Variants in DNAH8 observed in about 807,000 individuals in gnomAD.
DNAH8 encodes dynein axonemal heavy chain 8, also known as axonemal beta dynein heavy chain 8.
Under a neutral mutation model 562.1 loss-of-function variants are expected in DNAH8, and 382 were observed. The ratio of observed to expected loss-of-function variants is 0.68; its 90% confidence interval spans 0.63 to 0.74. The LOEUF (loss-of-function observed/expected upper bound fraction) is 0.74, where lower values mean the gene tolerates loss of function less well. Ranked by LOEUF, DNAH8 falls within the 30% of genes least tolerant of loss-of-function variation. DNAH8 has a pLI of 0.00. For synonymous variants in DNAH8, 1,881 were observed against 1,919.4 expected (o/e 0.98, Z 0.52); for missense variants, 5,203 against 5,620.4 (o/e 0.93, Z 2.37).
intron 37 of DNAH8, 98 bp downstream of exon 37, chr6:38,848,899 A>C: frequency 8.1e-7 from 1 of 1,235,332 alleles, no homozygotes; most frequent in South Asian, 1.4e-5. Context: ...TCAAGGCTTG[A>C]CTATGATGGG....
intron 21 of DNAH8, among the ~76,000 whole-genome samples, chr6:38,795,013 G>T (rs777533476): frequency 6.6e-6 from 1 of 152,082 alleles, no homozygotes; most frequent in South Asian, 2.1e-4. Flanking sequence ...ACAAGTTCAC[G>T]CATTACATTT....
intron 12 of DNAH8, among the ~76,000 whole-genome samples, chr6:38,772,970 A>ATTTT (rs1491433852): frequency 3.1e-5 from 2 of 65,456 alleles, no homozygotes; most frequent in African/African-American, 1.4e-4. Flanking sequence ...AGCTAATTAA[A>ATTTT]CTTTTTTTTT....
At chr6:38,959,973 C>T (rs1762502427) in intron 82 of DNAH8, among the ~76,000 whole-genome samples, 1 of 151,990 alleles carries the variant, frequency 6.6e-6, no homozygotes, top group Non-Finnish European at 1.5e-5. Context: ...GCATTTACAA[C>T]CAACTTATCT....
chr6:38,909,187 C>T (rs1780697101), intron 64 of DNAH8, among the ~76,000 whole-genome samples: 1 of 152,196 alleles, frequency 6.6e-6, no homozygotes, highest in Non-Finnish European at 1.5e-5. Context: ...GACCAAACAA[C>T]TGTTCCTGCA....
intron 82 of DNAH8, among the ~76,000 whole-genome samples, chr6:38,969,210 T>C (rs1382121999): frequency 6.6e-6 from 1 of 152,302 alleles, no homozygotes. Flanking sequence ...GTTATGCAAC[T>C]CTAAAAACAT....
At chr6:38,785,082 ACAATATGAAGTAGAATTCTTTCATACTTT>A (rs922111925) in intron 17 of DNAH8, among the ~76,000 whole-genome samples, 2 of 152,228 alleles carry the variant, frequency 1.3e-5, no homozygotes, top group Non-Finnish European at 2.9e-5. Flanking sequence ...TCACATACAA[ACAATATGAAGTAGAATTCTTTCATACTTT>A]CAATATGAAG....
At chr6:38,863,528 AAAC>A (rs1401535133) in intron 44 of DNAH8, among the ~76,000 whole-genome samples, 5 of 152,068 alleles carry the variant, frequency 3.3e-5, no homozygotes, top group African/African-American at 1.2e-4. Context: ...ACAACAAACA[AAAC>A]AACCATCCCC....
At chr6:38,981,747 T>A (rs1764052973) in intron 85 of DNAH8, among the ~76,000 whole-genome samples, 1 of 152,206 alleles carries the variant, frequency 6.6e-6, no homozygotes, top group African/African-American at 2.4e-5. Context: ...CTACTGCATT[T>A]TTTGAGTTGT....
intron 12 of DNAH8, among the ~76,000 whole-genome samples, chr6:38,772,029 C>CCTT (rs1554205626): frequency 7.6e-6 from 1 of 131,916 alleles, no homozygotes; most frequent in Non-Finnish European, 1.6e-5. Flanking sequence ...TTTATGATTT[C>CCTT]TTTTTTTTTT....
At chr6:39,010,259 T>G (rs1766103975) in intron 89 of DNAH8, among the ~76,000 whole-genome samples, 1 of 152,180 alleles carries the variant, frequency 6.6e-6, no homozygotes, top group African/African-American at 2.4e-5. Flanking sequence ...GTGTCTTATT[T>G]TATAGAAGAG....
rs1762444682 is a variant in DNAH8, at chr6:38,958,963, G to T, written c.12451+7443G>T. On this transcript the variant is annotated intron_variant, in intron 82 of 92. Coordinates refer to ENST00000327475, the MANE Select transcript of DNAH8 (RefSeq NM_001206927.2). Reference sequence around the variant, plus strand: ...TCACATTGATTAAATGGAATGCAGGGATGTTTCAAGGTACATAAATCAGTA... The same window carrying T: ...TCACATTGATTAAATGGAATGCAGGTATGTTTCAAGGTACATAAATCAGTA... Among the ~76,000 whole-genome samples, 4 of 152,112 alleles carry T rather than the reference G, an allele frequency of 2.6e-5. No homozygotes were observed. In the South Asian group the frequency reaches 8.3e-4, roughly 32 times the overall value.
At chr6:38,827,450 G>C (rs1773431385) in intron 29 of DNAH8, among the ~76,000 whole-genome samples, 1 of 151,834 alleles carries the variant, frequency 6.6e-6, no homozygotes, top group Non-Finnish European at 1.5e-5. Context: ...TTTTATTATT[G>C]GTTTTGTTGT....
Position 38,984,228 on chromosome 6 carries a change from G to A in DNAH8, c.12974G>A (p.Arg4325Gln), listed in dbSNP as rs368532934. ...AAGGGTGTATCATGGAATACGGTTC[G>A]GTACATGATCGGAGAAGTACAATAT... Reference protein sequence around the residue: ...IKKGVSWNTVRYMIGEVQYGG... With the variant: ...IKKGVSWNTVQYMIGEVQYGG... Residue 4325 changes from arginine (R) to glutamine (Q), a missense_variant, in exon 87 of 93, where the codon CGG becomes CAG. Transcript: ENST00000327475. 231 of 1,598,560 alleles carry A rather than the reference G, an allele frequency of 1.4e-4. No homozygotes were observed. Among genetic ancestry groups the A allele is most frequent in the African/African-American group, 2.5e-4 (19 of 74,566 alleles).
At chr6:39,004,058 G>A (rs6926517) in intron 88 of DNAH8, among the ~76,000 whole-genome samples, 60,119 of 151,458 alleles carry the variant, frequency 0.4, 12,479 homozygotes, top group Non-Finnish European at 0.46. Context: ...AAATTTTAAC[G>A]TCAGTTCTTA....
intron 76 of DNAH8, among the ~76,000 whole-genome samples, 163 bp downstream of exon 76, chr6:38,932,156 T>C (rs1561880402): frequency 6.7e-6 from 1 of 149,688 alleles, no homozygotes. Context: ...CAAGAAATCA[T>C]GTAACTCATC....
intron 8 of DNAH8, among the ~76,000 whole-genome samples, chr6:38,744,568 GTT>G (rs1764774650): frequency 6.6e-6 from 1 of 151,650 alleles, no homozygotes; most frequent in South Asian, 2.1e-4. Flanking sequence ...TTCAGACATT[GTT>G]TTGTACTGAT....
At chr6:38,764,413 A>G (rs950584596) in intron 11 of DNAH8, 5 of 152,634 alleles carry the variant, frequency 3.3e-5, no homozygotes, top group African/African-American at 7.2e-5. Context: ...TTTGGAGTCA[A>G]GAGAACTTTT....
chr6:38,891,654 C>T (rs1007118166), intron 58 of DNAH8, among the ~76,000 whole-genome samples: 1 of 152,176 alleles, frequency 6.6e-6, no homozygotes, highest in African/African-American at 2.4e-5. Flanking sequence ...TGCCATTGCA[C>T]CTCTTTTAAA....
chr6:38,961,054 G>A (rs1166687766), intron 82 of DNAH8, among the ~76,000 whole-genome samples: 1 of 151,798 alleles, frequency 6.6e-6, no homozygotes, highest in Non-Finnish European at 1.5e-5. Context: ...GAATACGGTG[G>A]GCATTATCCT....
Sources: allele counts gnomAD v4.1 joint callset (sites outside exome capture counted in the v4.1 genomes callset), GRCh38; gene constraint gnomAD v4.1.1; transcripts MANE v1.5; gene names NCBI Gene and HGNC (gene_info 2026-07-23, HGNC 2026-07-21).